Variants in TARBP1 observed in about 807,000 individuals in gnomAD.
TARBP1 encodes tRNA guanosine 2 -O-methyltransferase TARBP1.
In TARBP1, 144 loss-of-function variants were observed where a neutral mutation model predicts 178.6. That is an observed-to-expected ratio of 0.81 (90% confidence interval 0.70 to 0.93). TARBP1 has a LOEUF of 0.93. Ranked by LOEUF, TARBP1 falls within the 40% of genes least tolerant of loss-of-function variation. The pLI, the probability that TARBP1 is intolerant of heterozygous loss-of-function variation, is 0.00. For missense variants in TARBP1, 2,067 were observed against 2,011.7 expected (o/e 1.03, Z -0.53); for synonymous variants, 787 against 781.0 (o/e 1.01, Z -0.13).
intron 22 of TARBP1, among the ~76,000 whole-genome samples, chr1:234,417,633 G>C (rs1317333358): frequency 1.3e-5 from 2 of 152,214 alleles, no homozygotes; most frequent in South Asian, 2.1e-4. Context: ...GATTAGGGGA[G>C]TGTGTGAGGG....
intron 24 of TARBP1, among the ~76,000 whole-genome samples, chr1:234,403,787 G>C (rs1210391634): frequency 1.3e-5 from 2 of 152,156 alleles, no homozygotes; most frequent in African/African-American, 4.8e-5. Context: ...GGGTTCAAGA[G>C]ATTCTCCTGC....
At chr1:234,464,749 C>T (rs1048464308) in intron 5 of TARBP1, among the ~76,000 whole-genome samples, 2 of 152,032 alleles carry the variant, frequency 1.3e-5, no homozygotes, top group Non-Finnish European at 1.5e-5. Flanking sequence ...AGAGGGCATA[C>T]TGAACAGCAA....
At chr1:234,474,171 T>C (rs1185318351) in intron 1 of TARBP1, among the ~76,000 whole-genome samples, 1 of 151,662 alleles carries the variant, frequency 6.6e-6, no homozygotes, top group African/African-American at 2.4e-5. Flanking sequence ...TTGAGCCCAG[T>C]ATTTTGAAGT....
chr1:234,465,173 G>A (rs270505), intron 5 of TARBP1, among the ~76,000 whole-genome samples: 89,249 of 151,978 alleles, frequency 0.59, 27,464 homozygotes, highest in East Asian at 0.92. Context: ...AGAAAGATGC[G>A]CACACAGGGA....
At chr1:234,447,085 G>T in intron 11 of TARBP1, 110 bp from the exon 12 acceptor site, 2 of 1,176,614 alleles carry the variant, frequency 1.7e-6, no homozygotes, top group Non-Finnish European at 2.5e-6. Context: ...ATTAGACAAA[G>T]TTACTCTCAT....
At chr1:234,476,168 G>A (rs1669551002) in intron 1 of TARBP1, among the ~76,000 whole-genome samples, 1 of 152,144 alleles carries the variant, frequency 6.6e-6, no homozygotes, top group South Asian at 2.1e-4. Context: ...ATAAACAGAT[G>A]AGCAGATGGG....
At chr1:234,476,278 G>T (rs1162749418) in intron 1 of TARBP1, among the ~76,000 whole-genome samples, 2 of 152,094 alleles carry the variant, frequency 1.3e-5, no homozygotes, top group Admixed American at 6.5e-5. Flanking sequence ...AGACAAACAA[G>T]ACCTTAAAAA....
At chr1:234,410,663 G>A (rs1661715794) in intron 22 of TARBP1, 132 bp from the exon 23 acceptor site, 1 of 583,202 alleles carries the variant, frequency 1.7e-6, no homozygotes, top group Non-Finnish European at 3.1e-6. Flanking sequence ...CCCGGGGTCT[G>A]GGTGGGAAGG....
intron 5 of TARBP1, 66 bp from the exon 6 acceptor site, chr1:234,464,000 G>C: frequency 9.9e-7 from 1 of 1,005,196 alleles, no homozygotes; most frequent in Admixed American, 3.5e-5. Flanking sequence ...ACTAAAACTA[G>C]CCTAAATGGA....
At position 234,458,650 on chromosome 1, in the gene TARBP1, T is replaced by G. The variant is rs945132983; in HGVS notation, c.1632+580A>C. ...TTGCTGACCCCTGTAGTAAGCAATA[T>G]TTACTGAGGCTTTGTAAAAAGCACA... On this transcript the variant is annotated intron_variant, in intron 8 of 29. Transcript: ENST00000040877. Among the ~76,000 whole-genome samples the G allele has an allele frequency of 7.2e-5, 11 of 152,200 alleles. 1 individual carries two copies. Among genetic ancestry groups the G allele is most frequent in the Non-Finnish European group, 1.2e-4 (8 of 68,036 alleles).
chr1:234,446,354 T>C (rs922133480), intron 12 of TARBP1, among the ~76,000 whole-genome samples: 9 of 152,202 alleles, frequency 5.9e-5, no homozygotes, highest in Admixed American at 1.3e-4. Context: ...GAGATGAACA[T>C]ATTTAAAAAC....
chr1:234,429,227 T>A lies in TARBP1; in HGVS notation c.2969A>T (p.Asn990Ile), dbSNP rs761230002. The change falls in exon 17 of 30, where the codon AAT becomes ATT. Residue 990 changes from asparagine (N) to isoleucine (I), a missense_variant. Asn to Ile is a moderately radical substitution (Grantham distance 149, BLOSUM62 -3). Transcript: ENST00000040877. ...LSNTQLIFWA[N>I]LKAFVQFVFD... is the part of the protein sequence containing the mutation. Reference sequence around the variant, plus strand: ...AACAAACTGAACAAAAGCTTTTAAATTAGCCCAGAATATCAGCTGAGTGTT... The same window carrying A: ...AACAAACTGAACAAAAGCTTTTAAAATAGCCCAGAATATCAGCTGAGTGTT... 3.1e-6 allele frequency: 5 copies of A among 1,610,022 alleles called. No individual in the cohort carries two copies. In the East Asian group the frequency reaches 1.1e-4, roughly 36 times the overall value.
At chr1:234,457,864 C>T in intron 8 of TARBP1, 108 bp from the exon 9 acceptor site, 1 of 660,138 alleles carries the variant, frequency 1.5e-6, no homozygotes, top group Non-Finnish European at 2.6e-6. Context: ...AGTAGGTTAT[C>T]ATTAGCTAAA....
At chr1:234,453,275 G>T (rs1350940776) in intron 9 of TARBP1, among the ~76,000 whole-genome samples, 1 of 151,138 alleles carries the variant, frequency 6.6e-6, no homozygotes, top group African/African-American at 2.4e-5. Context: ...CTGTGTGTAG[G>T]GACAGGAAGA....
At chr1:234,401,409 C>T in intron 24 of TARBP1, 147 bp from the exon 25 acceptor site, 1 of 589,684 alleles carries the variant, frequency 1.7e-6, no homozygotes, top group South Asian at 2.1e-5. Flanking sequence ...ATACACACCT[C>T]TCCAAGATCA....
At chr1:234,408,560 T>A (rs757973717) in intron 23 of TARBP1, among the ~76,000 whole-genome samples, 7 of 152,152 alleles carry the variant, frequency 4.6e-5, no homozygotes, top group Non-Finnish European at 8.8e-5. Flanking sequence ...ACTGCTCCTA[T>A]GTCGGTGCTC....
chr1:234,404,959 G>A (rs1392803168), intron 24 of TARBP1, among the ~76,000 whole-genome samples: 1 of 152,106 alleles, frequency 6.6e-6, no homozygotes, highest in Non-Finnish European at 1.5e-5. Flanking sequence ...TACATTGCGG[G>A]CCAGGGAGGT....
chr1:234,446,853 A>G lies in TARBP1; in HGVS notation c.2084T>C (p.Leu695Pro), dbSNP rs751622229. ...LLKTDRCLQL[L>P]LKLLNTCRLK... ...CCTGCATGTGTTCAACAGCTTCAAC[A>G]GCAGCTGGAGGCATCTGTCAGTCTT... Residue 695 changes from leucine (L) to proline (P), a missense_variant, in exon 12 of 30, where the codon CTG becomes CCG. Coordinates refer to ENST00000040877, the MANE Select transcript of TARBP1 (RefSeq NM_005646.4). 9.9e-6 allele frequency: 16 copies of G among 1,613,934 alleles called. No homozygotes were observed. In the Middle Eastern group the frequency reaches 4.9e-4, roughly 50 times the overall value.
intron 28 of TARBP1, 161 bp from the exon 29 acceptor site, chr1:234,392,713 C>T (rs1042868172): frequency 1.6e-4 from 56 of 341,070 alleles, no homozygotes; most frequent in African/African-American, 8.7e-4. Flanking sequence ...ACATCAATTT[C>T]TTTTTTTTTT....
Sources: allele counts gnomAD v4.1 joint callset (sites outside exome capture counted in the v4.1 genomes callset), GRCh38; gene constraint gnomAD v4.1.1; transcripts MANE v1.5; gene names NCBI Gene and HGNC (gene_info 2026-07-23, HGNC 2026-07-21).